Variants in DLG2 observed in about 807,000 individuals in gnomAD.
DLG2 encodes disks large homolog 2.
Under a neutral mutation model 132.5 loss-of-function variants are expected in DLG2, and 45 were observed. That is an observed-to-expected ratio of 0.34 (90% confidence interval 0.27 to 0.44). The LOEUF is 0.44. Among genes scored for constraint, DLG2 ranks in the 20% least tolerant of loss-of-function variants. The probability of loss-of-function intolerance (pLI) is 1.00; values close to 1 mark genes in which losing one functional copy is unlikely to be tolerated. For missense variants in DLG2, 1,045 were observed against 1,196.9 expected (o/e 0.87, Z 1.87); for synonymous variants, 424 against 419.6 (o/e 1.01, Z -0.13).
At chr11:84,192,807 T>C (rs1371117233) in intron 8 of DLG2, among the ~76,000 whole-genome samples, 1 of 152,182 alleles carries the variant, frequency 6.6e-6, no homozygotes, top group Non-Finnish European at 1.5e-5. Flanking sequence ...TGAATTAAAC[T>C]ATATTGACAT....
intron 6 of DLG2, among the ~76,000 whole-genome samples, chr11:84,780,923 G>A (rs2071634020): frequency 1.4e-5 from 2 of 144,686 alleles, no homozygotes; most frequent in South Asian, 2.3e-4. Flanking sequence ...TAGAACGGCT[G>A]AGTAGCTAAA....
chr11:84,540,624 T>A (rs1485648598), intron 6 of DLG2, among the ~76,000 whole-genome samples: 1 of 152,112 alleles, frequency 6.6e-6, no homozygotes, highest in African/African-American at 2.4e-5. Flanking sequence ...ATTGTGGAAG[T>A]CAGTGTGGCG....
intron 6 of DLG2, among the ~76,000 whole-genome samples, chr11:85,048,289 T>C (rs1455697594): frequency 2.0e-5 from 3 of 151,936 alleles, no homozygotes; most frequent in Non-Finnish European, 2.9e-5. Flanking sequence ...TGTTATAACA[T>C]GTCAAACCAC....
chr11:84,007,906 T>A (rs75091723), intron 11 of DLG2, among the ~76,000 whole-genome samples: 3,339 of 151,868 alleles, frequency 0.022, 126 homozygotes, highest in African/African-American at 0.076. Flanking sequence ...CCACACAGTA[T>A]AAGTTCCAGT....
At chr11:85,163,743 TGAA>T (rs1234222709) in intron 4 of DLG2, among the ~76,000 whole-genome samples, 1 of 152,200 alleles carries the variant, frequency 6.6e-6, no homozygotes, top group Non-Finnish European at 1.5e-5. Flanking sequence ...TGCCACCCAT[TGAA>T]TAGGGTCTTC....
At chr11:83,871,314 T>A (rs1485350912) in intron 16 of DLG2, among the ~76,000 whole-genome samples, 1 of 152,226 alleles carries the variant, frequency 6.6e-6, no homozygotes, top group Non-Finnish European at 1.5e-5. Flanking sequence ...CAGCAGTGAC[T>A]CTATGGTAGA....
intron 7 of DLG2, among the ~76,000 whole-genome samples, chr11:84,287,757 C>CACACAA (rs1341785781): frequency 6.6e-6 from 1 of 151,048 alleles, no homozygotes; most frequent in East Asian, 1.9e-4. Flanking sequence ...CACACACACA[C>CACACAA]ACACACACAC....
At chr11:83,627,604 A>C (rs2062813120) in intron 19 of DLG2, among the ~76,000 whole-genome samples, 1 of 152,088 alleles carries the variant, frequency 6.6e-6, no homozygotes, top group Admixed American at 6.5e-5. Context: ...TTCTTAATCC[A>C]GTCTATTGTT....
At chr11:84,689,739 A>G (rs1259149974) in intron 6 of DLG2, among the ~76,000 whole-genome samples, 3 of 152,000 alleles carry the variant, frequency 2.0e-5, no homozygotes, top group East Asian at 3.9e-4. Context: ...GGTGTCCAAA[A>G]TTTTGGTACT....
At chr11:83,641,862 A>AGTGTGTGTGTGTGTGTGTGTGT (rs34754104) in intron 18 of DLG2, among the ~76,000 whole-genome samples, 1 of 147,818 alleles carries the variant, frequency 6.8e-6, no homozygotes, top group African/African-American at 2.5e-5. Context: ...AGAGAGAGGG[A>AGTGTGTGTGTGTGTGTGTGTGT]GTGTGTGTGT....
At chr11:84,569,408 A>G (rs2099471466) in intron 6 of DLG2, among the ~76,000 whole-genome samples, 3 of 152,242 alleles carry the variant, frequency 2.0e-5, no homozygotes, top group Admixed American at 2.0e-4. Flanking sequence ...AAATGGAGAT[A>G]TATAAATGAC....
chr11:83,777,318 G>C (rs2094619931), intron 18 of DLG2, among the ~76,000 whole-genome samples: 1 of 152,162 alleles, frequency 6.6e-6, no homozygotes, highest in South Asian at 2.1e-4. Flanking sequence ...TAGGTAATGA[G>C]TCTATCAGGA....
At chr11:83,842,870 T>C (rs1389522312) in intron 16 of DLG2, among the ~76,000 whole-genome samples, 1 of 151,532 alleles carries the variant, frequency 6.6e-6, no homozygotes, top group Non-Finnish European at 1.5e-5. Context: ...GTCTTTCTCA[T>C]GGCCATTCGT....
chr11:83,941,137 A>G (rs541598352), intron 14 of DLG2, among the ~76,000 whole-genome samples: 1 of 152,318 alleles, frequency 6.6e-6, no homozygotes, highest in African/African-American at 2.4e-5. Context: ...ATAATTTTTT[A>G]GTATAAATAC....
chr11:85,470,403 T>C (rs1222163845), intron 3 of DLG2, among the ~76,000 whole-genome samples: 2 of 152,074 alleles, frequency 1.3e-5, no homozygotes, highest in African/African-American at 4.8e-5. Context: ...GGAGAAGAGT[T>C]CCACTGAAGA....
Position 85,343,879 on chromosome 11 carries a change from T to C in DLG2, c.41-58514A>G, listed in dbSNP as rs189959479. Among the ~76,000 whole-genome samples, 334 of 152,188 alleles carry C rather than the reference T, an allele frequency of 2.2e-3. 1 individual carries two copies. The highest frequency in any genetic ancestry group is 7.7e-3 in the African/African-American group (320 of 41,504). On this transcript the variant is annotated intron_variant, in intron 3 of 27. Coordinates refer to ENST00000376104, the MANE Select transcript of DLG2 (RefSeq NM_001142699.3). ...TTGGCAAATGGGCTTTGAGCGTAAA[T>C]GTTTCCAGAAATCATACATCATTTC...
At chr11:84,911,482 A>T (rs900588225) in intron 6 of DLG2, among the ~76,000 whole-genome samples, 1 of 151,960 alleles carries the variant, frequency 6.6e-6, no homozygotes, top group African/African-American at 2.4e-5. Context: ...TATTTGAATC[A>T]TTCTTTTAAA....
intron 6 of DLG2, among the ~76,000 whole-genome samples, chr11:85,003,268 A>C (rs1268122236): frequency 1.3e-5 from 2 of 152,148 alleles, no homozygotes; most frequent in Non-Finnish European, 2.9e-5. Flanking sequence ...TAACACAAAA[A>C]ATTTCTGGGA....
chr11:84,348,041 A>T (rs1029984981), intron 7 of DLG2, among the ~76,000 whole-genome samples: 2 of 152,208 alleles, frequency 1.3e-5, no homozygotes, highest in African/African-American at 4.8e-5. Flanking sequence ...TGAGGATTAA[A>T]ACAGATAACA....
Sources: allele counts gnomAD v4.1 joint callset (sites outside exome capture counted in the v4.1 genomes callset), GRCh38; gene constraint gnomAD v4.1.1; transcripts MANE v1.5; gene names NCBI Gene and HGNC (gene_info 2026-07-23, HGNC 2026-07-21).